Variants in SLC2A13 observed in about 807,000 individuals in gnomAD.
SLC2A13 encodes proton myo-inositol cotransporter.
In SLC2A13, 32 loss-of-function variants were observed where a neutral mutation model predicts 64.4. That is an observed-to-expected ratio of 0.50 (90% CI 0.37 to 0.67). SLC2A13 has a LOEUF of 0.67. Ranked by LOEUF, SLC2A13 falls within the 30% of genes least tolerant of loss-of-function variation. The pLI is 0.00. For missense variants in SLC2A13, 743 were observed against 829.2 expected, an observed-to-expected ratio of 0.90 and a Z score of 1.28; for synonymous variants, 338 against 327.1, an observed-to-expected ratio of 1.03 and a Z score of -0.36.
intron 7 of SLC2A13, among the ~76,000 whole-genome samples, chr12:39,825,957 T>G (rs1942658875): frequency 6.6e-6 from 1 of 152,202 alleles, no homozygotes; most frequent in Non-Finnish European, 1.5e-5. Flanking sequence ...GTGTTTTGTT[T>G]ATTTTAGTTT....
At chr12:39,838,314 G>A (rs1943076283) in intron 6 of SLC2A13, among the ~76,000 whole-genome samples, 1 of 140,190 alleles carries the variant, frequency 7.1e-6, no homozygotes, top group Admixed American at 7.4e-5. Context: ...ACACAGGAAG[G>A]GGAATATCAC....
intron 7 of SLC2A13, among the ~76,000 whole-genome samples, chr12:39,775,886 T>G (rs1940756476): frequency 6.6e-6 from 1 of 152,222 alleles, no homozygotes; most frequent in African/African-American, 2.4e-5. Flanking sequence ...TGCTTACTGG[T>G]TGAGCACCCC....
intron 4 of SLC2A13, among the ~76,000 whole-genome samples, chr12:39,893,488 C>T (rs747179960): frequency 1.4e-4 from 22 of 152,094 alleles, no homozygotes; most frequent in Admixed American, 3.3e-4. Context: ...TTAGTAGAGA[C>T]GAGGTTTCAC....
At chr12:40,022,933 T>C (rs1042228944) in intron 3 of SLC2A13, among the ~76,000 whole-genome samples, 1 of 151,916 alleles carries the variant, frequency 6.6e-6, no homozygotes, top group Non-Finnish European at 1.5e-5. Context: ...AAAAAGCCCA[T>C]GACCATTTTT....
At chr12:39,825,180 T>G (rs902940506) in intron 7 of SLC2A13, among the ~76,000 whole-genome samples, 10 of 152,156 alleles carry the variant, frequency 6.6e-5, no homozygotes, top group South Asian at 2.1e-4. Context: ...ATCAGCGCAT[T>G]AAGAAAGTGT....
chr12:39,959,035 G>C (rs576021949), intron 3 of SLC2A13, among the ~76,000 whole-genome samples: 1 of 152,000 alleles, frequency 6.6e-6, no homozygotes, highest in South Asian at 2.1e-4. Context: ...TGAATATAAG[G>C]AATAAAAGAA....
intron 3 of SLC2A13, among the ~76,000 whole-genome samples, chr12:39,960,534 C>G (rs1946390217): frequency 6.6e-6 from 1 of 152,058 alleles, no homozygotes; most frequent in Non-Finnish European, 1.5e-5. Context: ...CACGCATGAC[C>G]ATGCCTGGCT....
Position 39,955,312 on chromosome 12 carries a change from T to C in SLC2A13, c.926-3947A>G, listed in dbSNP as rs138031717. On this transcript the variant is annotated intron_variant, in intron 3 of 9. Coordinates refer to ENST00000280871, the MANE Select transcript of SLC2A13 (RefSeq NM_052885.4). ...TGAAAGAATCTAAACACATAGCCTA[T>C]AAAAATTTGTGGAATGGAGCTAAAG... Among the ~76,000 whole-genome samples, 8 of 152,290 alleles carry C rather than the reference T, an allele frequency of 5.3e-5. No individual in the cohort carries two copies. In the East Asian group the frequency reaches 1.3e-3, roughly 26 times the overall value.
intron 4 of SLC2A13, among the ~76,000 whole-genome samples, chr12:39,942,468 C>T (rs946704700): frequency 2.4e-4 from 36 of 151,970 alleles, no homozygotes; most frequent in African/African-American, 8.2e-4. Flanking sequence ...TATTTTTTTG[C>T]AGCTATTGTA....
chr12:40,071,096 C>T (rs1300121397), intron 1 of SLC2A13, among the ~76,000 whole-genome samples: 3 of 152,148 alleles, frequency 2.0e-5, no homozygotes, highest in Non-Finnish European at 2.9e-5. Flanking sequence ...TTGCTACTGG[C>T]ACTTAGTGAA....
chr12:39,787,214 C>T (rs1160996123), intron 7 of SLC2A13, among the ~76,000 whole-genome samples: 1 of 152,142 alleles, frequency 6.6e-6, no homozygotes, highest in Non-Finnish European at 1.5e-5. Flanking sequence ...TCTGGCTTCA[C>T]CACTTACTAC....
chr12:40,080,217 T>G (rs113655012), intron 1 of SLC2A13, among the ~76,000 whole-genome samples: 1 of 152,124 alleles, frequency 6.6e-6, no homozygotes, highest in African/African-American at 2.4e-5. Flanking sequence ...TAAATAAGAA[T>G]AGCAACTCTT....
At chr12:39,962,786 C>T (rs1946438179) in intron 3 of SLC2A13, among the ~76,000 whole-genome samples, 1 of 152,150 alleles carries the variant, frequency 6.6e-6, no homozygotes, top group Non-Finnish European at 1.5e-5. Flanking sequence ...TTCTCCAAAT[C>T]AGGGAAACTC....
At chr12:39,917,611 C>A (rs1945542532) in intron 4 of SLC2A13, among the ~76,000 whole-genome samples, 3 of 151,982 alleles carry the variant, frequency 2.0e-5, no homozygotes, top group South Asian at 2.1e-4. Flanking sequence ...TTTTTTCCTG[C>A]CTCATTGCTG....
chr12:39,924,794 T>G (rs950112527), intron 4 of SLC2A13, among the ~76,000 whole-genome samples: 12 of 152,054 alleles, frequency 7.9e-5, no homozygotes, highest in Non-Finnish European at 1.2e-4. Flanking sequence ...GGCTTGACCT[T>G]TTGTGTTTTG....
At chr12:39,944,983 T>G (rs895781895) in intron 4 of SLC2A13, among the ~76,000 whole-genome samples, 20 of 152,340 alleles carry the variant, frequency 1.3e-4, no homozygotes, top group African/African-American at 4.6e-4. Flanking sequence ...AAAGAGTTTC[T>G]GTTTTGAGGT....
intron 4 of SLC2A13, among the ~76,000 whole-genome samples, chr12:39,901,458 T>A (rs1347545437): frequency 7.0e-6 from 1 of 143,056 alleles, no homozygotes; most frequent in Non-Finnish European, 1.5e-5. Flanking sequence ...AAAGGGCTAA[T>A]ATCCAGAATC....
intron 3 of SLC2A13, among the ~76,000 whole-genome samples, chr12:39,966,482 A>C (rs1376050410): frequency 6.6e-6 from 1 of 152,194 alleles, no homozygotes; most frequent in Non-Finnish European, 1.5e-5. Flanking sequence ...AGAATGATTA[A>C]CAGCAGGAAA....
intron 2 of SLC2A13, among the ~76,000 whole-genome samples, chr12:40,043,321 AG>A (rs1948123945): frequency 6.6e-6 from 1 of 152,116 alleles, no homozygotes; most frequent in Non-Finnish European, 1.5e-5. Context: ...ATGTTCATGA[AG>A]TAAGATTTAA....
Sources: gnomAD v4.1 joint callset for allele counts (sites outside exome capture counted in the v4.1 genomes callset) on GRCh38, gnomAD v4.1.1 for gene constraint, MANE v1.5 for transcripts, NCBI Gene and HGNC (gene_info 2026-07-23, HGNC 2026-07-21) for gene names.